EEF2KMT: variants seen among roughly 807,000 people sequenced by gnomAD.
The protein encoded by EEF2KMT is protein-lysine N-methyltransferase EEF2KMT.
In EEF2KMT, 30 loss-of-function variants were observed where a neutral mutation model predicts 35.1. The observed-to-expected ratio is 0.85, with a 90% CI of 0.64 to 1.16. The LOEUF is 1.16. Among genes scored for constraint, EEF2KMT ranks in the 50% most tolerant of loss-of-function variants. EEF2KMT has a pLI of 0.00. For synonymous variants in EEF2KMT, 190 were observed against 187.7 expected (o/e 1.01, Z -0.10); for missense variants, 499 against 438.2 (o/e 1.14, Z -1.24).
chr16:5,087,497 T>C (rs531096350), intron 7 of EEF2KMT: 1 of 152,320 alleles, frequency 6.6e-6, no homozygotes, highest in Non-Finnish European at 1.5e-5. Context: ...TGATTATTAT[T>C]AGTTTTTAAA....
Position 5,089,007 on chromosome 16 carries a change from C to T in EEF2KMT, c.892+100G>A, listed in dbSNP as rs1488458244. 5 of 1,599,090 alleles carry T rather than the reference C, an allele frequency of 3.1e-6. No individual in the cohort carries two copies. In the South Asian group the frequency reaches 4.4e-5, roughly 14 times the overall value. On this transcript the variant is annotated intron_variant, in intron 7 of 7. Coordinates refer to ENST00000427587, the MANE Select transcript of EEF2KMT (RefSeq NM_201400.4). ...CCCCCCATGGTGTGGGAGTGTGGGG[C>T]AACCTAGCTTTTCCCCGGCACCCAG...
In EEF2KMT at chr16:5,091,823, A is replaced by G; in HGVS notation, c.313T>C (p.Ser105Pro). 6 of 1,611,528 alleles carry G rather than the reference A, an allele frequency of 3.7e-6. No homozygotes were observed. Among genetic ancestry groups the G allele is most frequent in the Non-Finnish European group, 5.1e-6 (6 of 1,179,706 alleles). ...AAATAGCTCCGGTGGCCCTGGGTGG[A>G]CTCCTTGGCCATCAGGGTCTCCGCC... ...ALAETLMAKE[S>P]TQGHRSYLLP... The change falls in exon 4 of 8, where the codon TCC becomes CCC. Residue 105 changes from serine (S) to proline (P), a missense_variant. Ser to Pro is a moderately conservative substitution (Grantham distance 74). Transcript: ENST00000427587.
chr16:5,088,404 T>C (rs1185500676), intron 7 of EEF2KMT, among the ~76,000 whole-genome samples: 1 of 152,112 alleles, frequency 6.6e-6, no homozygotes. Flanking sequence ...TGTGCATCTG[T>C]GCACATGGCT....
rs1957344835 is a variant in EEF2KMT at position 5,091,777 on chromosome 16, G to A, written c.342+17C>T. On this transcript the variant is annotated intron_variant, in intron 4 of 7. Coordinates refer to ENST00000427587, the MANE Select transcript of EEF2KMT (RefSeq NM_201400.4). ...GGTATCTGGGCTGTGAGGGGGAGGAGGGTGCCCTTCTCATACCAGCAAATA... is the reference window on the plus strand; with the variant it reads ...GGTATCTGGGCTGTGAGGGGGAGGAAGGTGCCCTTCTCATACCAGCAAATA... 6.2e-7 allele frequency: 1 copy of A among 1,611,396 alleles called. No homozygotes were observed. The highest frequency in any genetic ancestry group is 8.5e-7 in the Non-Finnish European group (1 of 1,179,522).
In EEF2KMT at chr16:5,085,634, A is replaced by C; in HGVS notation, c.991T>G (p.Ter331GluextTer10). 2 of 1,604,160 alleles carry C rather than the reference A, an allele frequency of 1.2e-6. No individual in the cohort carries two copies. The highest frequency in any genetic ancestry group is 1.7e-6 in the Non-Finnish European group (2 of 1,172,764). The stretch of plus-strand genomic sequence containing the variant: ...CCCGTTGGAGTCGTGTGTGAGTCCT[A>C]CAGGGTGAGATTCAGCATTGCCATC... ...LEMAMLNLTL[*>E] Residue 331 changes from the stop codon to glutamate (E), a stop_lost, in exon 8 of 8, where the codon TAG becomes GAG. Transcript: ENST00000427587.
intron 3 of EEF2KMT, 79 bp downstream of exon 3, chr16:5,093,405 G>C: frequency 7.5e-6 from 12 of 1,604,960 alleles, no homozygotes; most frequent in Non-Finnish European, 1.0e-5. Flanking sequence ...AGCAGGCCCA[G>C]GGCCTGGGAA....
chr16:5,095,104 A>G (rs1957427110), intron 2 of EEF2KMT, among the ~76,000 whole-genome samples: 1 of 152,352 alleles, frequency 6.6e-6, no homozygotes, highest in East Asian at 1.9e-4. Flanking sequence ...GACAGGCCTC[A>G]TGAAAGCAAA....
intron 3 of EEF2KMT, among the ~76,000 whole-genome samples, chr16:5,092,420 A>T (rs948866951): frequency 6.6e-6 from 1 of 152,206 alleles, no homozygotes; most frequent in Non-Finnish European, 1.5e-5. Context: ...GCCCCGTCCT[A>T]TGATTCACAG....
Position 5,090,360 on chromosome 16 carries a change from G to T in EEF2KMT, c.477-11C>A. 1 of 1,612,056 alleles carries T rather than the reference G, an allele frequency of 6.2e-7. No individual in the cohort carries two copies. The highest frequency in any genetic ancestry group is 8.5e-7 in the Non-Finnish European group (1 of 1,179,850). ...AGCTCTAGGACAGTCCTGGCGGGAG[G>T]AAAGGGGACCGTGTCTGCGACTGCA... On this transcript the variant is annotated splice_polypyrimidine_tract_variant and intron_variant, in intron 5 of 7. Transcript: ENST00000427587. This position sits in a 1 kb window ranked among gnomAD's most constrained non-coding sequence, Gnocchi z 4.1.
intron 2 of EEF2KMT, among the ~76,000 whole-genome samples, 167 bp from the exon 3 acceptor site, chr16:5,093,731 T>C (rs1264499658): frequency 6.6e-6 from 1 of 152,202 alleles, no homozygotes; most frequent in Non-Finnish European, 1.5e-5. Context: ...TCTTAAGATA[T>C]AAGCTGTTTC....
Position 5,084,956 on chromosome 16 carries a change from A to T in EEF2KMT, c.*676T>A. The T allele has an allele frequency of 6.3e-7, 1 of 1,595,260 alleles. No homozygotes were observed. Among genetic ancestry groups the T allele is most frequent in the Non-Finnish European group, 8.5e-7 (1 of 1,178,858 alleles). On this transcript the variant is annotated 3_prime_UTR_variant, in exon 8 of 8. Transcript: ENST00000427587. ...GCTTCTTCTTGGAGTCTCAGGGCAA[A>T]CCCTTTCGAGCAGCACCTCCCAGTG...
intron 2 of EEF2KMT, 69 bp downstream of exon 2, chr16:5,095,380 GTTC>G (rs766448733): frequency 1.9e-6 from 3 of 1,605,608 alleles, no homozygotes; most frequent in Admixed American, 1.7e-5. Context: ...CACACCTGCA[GTTC>G]TTCTCTCAGG....
chr16:5,093,562 A>G lies in EEF2KMT; in HGVS notation c.162T>C (p.Thr54=), dbSNP rs149232182. The G allele has an allele frequency of 1.7e-3, 2,748 of 1,612,032 alleles. 30 individuals carry two copies. In the African/African-American group the frequency reaches 0.032, roughly 19 times the overall value. Residue 54 remains threonine, a splice_region_variant and synonymous_variant, in exon 3 of 8, where the codon ACT becomes ACC. Coordinates refer to ENST00000427587, the MANE Select transcript of EEF2KMT (RefSeq NM_201400.4). ...GCTTCACACACACAGGATGCTTCACAGTCTACGGCAAAGGACAGAACGTTG... is the reference window on the plus strand; with the variant it reads ...GCTTCACACACACAGGATGCTTCACGGTCTACGGCAAAGGACAGAACGTTG... The part of the protein sequence containing the change: ...SELLRDILHK[T]VKHPVCVKHP...
intron 2 of EEF2KMT, among the ~76,000 whole-genome samples, chr16:5,095,021 T>C (rs1007787704): frequency 6.6e-6 from 1 of 152,154 alleles, no homozygotes; most frequent in African/African-American, 2.4e-5. Flanking sequence ...TGCAGGCAGA[T>C]GCACTTGAGT....
chr16:5,094,969 G>T (rs1477028712), intron 2 of EEF2KMT, among the ~76,000 whole-genome samples: 1 of 152,214 alleles, frequency 6.6e-6, no homozygotes, highest in African/African-American at 2.4e-5. Context: ...CAAGGCCAAG[G>T]TCAGGCTGTG....
rs756855632 is a variant in EEF2KMT, at chr16:5,095,391, A to T, written c.159+61T>A. 32 of 1,604,056 alleles carry T rather than the reference A, an allele frequency of 2.0e-5. No homozygotes were observed. In the Admixed American group the frequency reaches 4.9e-4, roughly 24 times the overall value. On this transcript the variant is annotated intron_variant, in intron 2 of 7. Coordinates refer to ENST00000427587, the MANE Select transcript of EEF2KMT (RefSeq NM_201400.4). ...CAAGCACACCTGCAGTTCTTCTCTCAGGTCTTCTGGAGAGATTCAGGAGGC... is the reference window on the plus strand; with the variant it reads ...CAAGCACACCTGCAGTTCTTCTCTCTGGTCTTCTGGAGAGATTCAGGAGGC...
intron 2 of EEF2KMT, 84 bp from the exon 3 acceptor site, chr16:5,093,648 A>T: frequency 6.3e-7 from 1 of 1,591,376 alleles, no homozygotes; most frequent in Non-Finnish European, 8.6e-7. Flanking sequence ...CAGAGGGCAA[A>T]CTCCAGGCTA....
rs371553812 is a variant in EEF2KMT, at chr16:5,089,275, G to T, written c.743-19C>A. On this transcript the variant is annotated intron_variant, in intron 6 of 7. Transcript: ENST00000427587. Reference sequence around the variant, plus strand: ...AGCACATCTATGGTGAAAGCTTCAGGTTACTGAAAGGGACCAGTGGACAGG... The same window carrying T: ...AGCACATCTATGGTGAAAGCTTCAGTTTACTGAAAGGGACCAGTGGACAGG... The T allele has an allele frequency of 3.1e-6, 5 of 1,601,010 alleles. No individual in the cohort carries two copies. The highest frequency in any genetic ancestry group is 8.5e-7 in the Non-Finnish European group (1 of 1,179,726).
intron 1 of EEF2KMT, among the ~76,000 whole-genome samples, chr16:5,096,789 C>T (rs1038999392): frequency 4.7e-4 from 72 of 152,298 alleles, no homozygotes; most frequent in African/African-American, 1.5e-3. Context: ...TAGCATTCAG[C>T]GTGGGCATGT....
Sources: allele counts gnomAD v4.1 joint callset (sites outside exome capture counted in the v4.1 genomes callset), GRCh38; gene constraint gnomAD v4.1.1; non-coding constraint Gnocchi (gnomAD v3.1); transcripts MANE v1.5; gene names NCBI Gene and HGNC (gene_info 2026-07-23, HGNC 2026-07-21).